The following HDAC9 variants were observed in gnomAD, a reference collection of about 807,000 sequenced individuals.
HDAC9 encodes MEF-2 interacting transcription repressor (MITR) protein.
A neutral mutation model predicts 139.4 loss-of-function variants in HDAC9; 41 were observed. That is an observed-to-expected ratio of 0.29 (90% CI 0.23 to 0.38). The LOEUF is 0.38. Among genes scored for constraint, HDAC9 ranks in the 10% least tolerant of loss-of-function variants. The pLI is 1.00. For missense variants in HDAC9, 1,147 were observed against 1,297.0 expected (o/e 0.88, Z 1.78); for synonymous variants, 517 against 476.2 (o/e 1.09, Z -1.12).
intron 13 of HDAC9, among the ~76,000 whole-genome samples, chr7:18,746,973 T>G (rs1788028342): frequency 6.6e-6 from 1 of 152,134 alleles, no homozygotes; most frequent in Non-Finnish European, 1.5e-5. Context: ...CATTAAAAAC[T>G]GAGCCTTGAA....
rs187977508 is a variant in HDAC9 at position 18,656,311 on chromosome 7, G to T, written c.1467+7628G>T. Among the ~76,000 whole-genome samples the T allele has an allele frequency of 7.9e-5, 12 of 151,946 alleles. No homozygotes were observed. The East Asian group carries it at 2.3e-3, about 30-fold the overall frequency. ...AATATAAAGTCCTGCAACAGTCTCC[G>T]GTCATGGAATAATTGATGATGTTCC... is the stretch of plus-strand genomic sequence containing the variant. On this transcript the variant is annotated intron_variant, in intron 11 of 25. Transcript: ENST00000686413.
chr7:18,216,139 A>AGG (rs1792296364), intron 2 of HDAC9, among the ~76,000 whole-genome samples: 1 of 151,734 alleles, frequency 6.6e-6, no homozygotes, highest in Admixed American at 6.6e-5. Context: ...TGAGAGAGAG[A>AGG]GAGAGAGAGA....
chr7:18,471,210 G>A (rs1794697654), intron 1 of HDAC9, among the ~76,000 whole-genome samples: 1 of 151,968 alleles, frequency 6.6e-6, no homozygotes, highest in South Asian at 2.1e-4. Context: ...ACCGGCACAG[G>A]GCAGGTGTTT....
At chr7:18,509,231 A>C (rs1800700369) in intron 2 of HDAC9, 1 of 974,834 alleles carries the variant, frequency 1.0e-6, no homozygotes, top group Non-Finnish European at 1.2e-6. Flanking sequence ...AAGTCAAAGC[A>C]CAATTAGAAT....
rs1786579520 is a variant in HDAC9 at position 18,998,348 on chromosome 7, A to T, written c.*2286A>T. ...CAAGCCATTAATCTGATAAAGCCAAATCACTAGGACATCTCCATGGTTATT... is the reference window on the plus strand; with the variant it reads ...CAAGCCATTAATCTGATAAAGCCAATTCACTAGGACATCTCCATGGTTATT... On this transcript the variant is annotated 3_prime_UTR_variant, in exon 26 of 26. Coordinates refer to ENST00000686413, the MANE Select transcript of HDAC9 (RefSeq NM_178425.4). The T allele has an allele frequency of 6.6e-6, 1 of 152,224 alleles. No homozygotes were observed. 9.4% of individuals were successfully genotyped at this position (152,224 alleles called of 1,614,324 possible).
chr7:18,917,198 T>C (rs115219590), intron 22 of HDAC9, among the ~76,000 whole-genome samples: 19 of 152,114 alleles, frequency 1.2e-4, no homozygotes, highest in African/African-American at 4.6e-4. Flanking sequence ...GTCCAAGCAC[T>C]GATCTCTCCG....
chr7:18,174,289 T>C (rs572519380), intron 2 of HDAC9, among the ~76,000 whole-genome samples: 1 of 152,338 alleles, frequency 6.6e-6, no homozygotes, highest in African/African-American at 2.4e-5. Flanking sequence ...TCCATGGTTT[T>C]CAGCTCCATC....
intron 2 of HDAC9, among the ~76,000 whole-genome samples, chr7:18,271,196 A>G (rs1026942267): frequency 2.0e-5 from 3 of 152,198 alleles, no homozygotes; most frequent in Non-Finnish European, 2.9e-5. Context: ...GAAAACATAG[A>G]TGTTGCAAGT....
chr7:18,933,588 A>T (rs1464313523), intron 22 of HDAC9, among the ~76,000 whole-genome samples: 1 of 152,064 alleles, frequency 6.6e-6, no homozygotes, highest in East Asian at 1.9e-4. Context: ...TTCACATATA[A>T]AGTTACAATG....
intron 1 of HDAC9, among the ~76,000 whole-genome samples, chr7:18,350,295 G>A (rs1280958091): frequency 6.6e-6 from 1 of 152,064 alleles, no homozygotes; most frequent in Non-Finnish European, 1.5e-5. Context: ...CAGTAATTTT[G>A]AGTAATTGGA....
chr7:18,744,046 C>T (rs566676602), intron 13 of HDAC9, among the ~76,000 whole-genome samples: 7 of 88,248 alleles, frequency 7.9e-5, no homozygotes, highest in South Asian at 8.0e-4. Flanking sequence ...GATGGAGTTT[C>T]GCTCTTGTTA....
intron 21 of HDAC9, among the ~76,000 whole-genome samples, chr7:18,866,660 A>G (rs185942609): frequency 1.8e-4 from 27 of 152,350 alleles, no homozygotes; most frequent in African/African-American, 5.8e-4. Context: ...GAATATAAAA[A>G]TATTGTTGAG....
At chr7:18,239,879 A>G (rs1051841233) in intron 2 of HDAC9, among the ~76,000 whole-genome samples, 2 of 152,054 alleles carry the variant, frequency 1.3e-5, no homozygotes, top group Non-Finnish European at 2.9e-5. Context: ...GGAATATTGC[A>G]TGAAATGTAA....
intron 21 of HDAC9, among the ~76,000 whole-genome samples, chr7:18,839,771 A>G (rs994638534): frequency 2.0e-5 from 3 of 152,064 alleles, no homozygotes; most frequent in African/African-American, 7.2e-5. Flanking sequence ...TGTTTCAATC[A>G]TTTCAAAAGG....
chr7:18,830,544 C>G (rs560685522), intron 19 of HDAC9, among the ~76,000 whole-genome samples: 4 of 152,262 alleles, frequency 2.6e-5, no homozygotes, highest in African/African-American at 9.6e-5. Context: ...CGCCCTCCAG[C>G]CTTCGAATCC....
chr7:18,270,767 C>A (rs1584940618), intron 2 of HDAC9, among the ~76,000 whole-genome samples: 1 of 152,096 alleles, frequency 6.6e-6, no homozygotes, highest in East Asian at 1.9e-4. Flanking sequence ...TGAGAAGATG[C>A]CTTCTTTTTC....
chr7:18,987,380 C>T (rs1281921676), intron 25 of HDAC9, among the ~76,000 whole-genome samples: 1 of 152,146 alleles, frequency 6.6e-6, no homozygotes, highest in South Asian at 2.1e-4. Context: ...TATTGATTTG[C>T]ATATATTGAA....
intron 12 of HDAC9, among the ~76,000 whole-genome samples, chr7:18,681,721 G>A (rs923391456): frequency 2.0e-5 from 3 of 151,936 alleles, no homozygotes; most frequent in Admixed American, 1.3e-4. Flanking sequence ...AAGAAGATGT[G>A]CCCATGGACT....
At chr7:18,566,743 C>G (rs1209389021) in intron 2 of HDAC9, among the ~76,000 whole-genome samples, 1 of 152,154 alleles carries the variant, frequency 6.6e-6, no homozygotes, top group African/African-American at 2.4e-5. Context: ...TGAGAGTAGA[C>G]TGATAGAGAT....
Sources: allele counts gnomAD v4.1 joint callset (sites outside exome capture counted in the v4.1 genomes callset), GRCh38; gene constraint gnomAD v4.1.1; transcripts MANE v1.5; gene names NCBI Gene and HGNC (gene_info 2026-07-23, HGNC 2026-07-21).